LYPD3: variants seen among roughly 807,000 people sequenced by gnomAD.
LYPD3 encodes the protein ly6/PLAUR domain-containing protein 3.
A neutral mutation model predicts 21.7 loss-of-function variants in LYPD3; 22 were observed. That is an observed-to-expected ratio of 1.01 (90% confidence interval 0.72 to 1.45). LYPD3 has a LOEUF of 1.45. Ranked by LOEUF, LYPD3 falls within the 40% of genes most tolerant of loss-of-function variation. The pLI is 0.00. For missense variants in LYPD3, 471 were observed against 466.9 expected (o/e 1.01, Z -0.08); for synonymous variants, 179 against 203.0 (o/e 0.88, Z 1.00).
Position 43,463,247 on chromosome 19 carries a change from G to A in LYPD3, c.423C>T (p.Tyr141=). ...CCTCCCGGCTCAGGCCCACACAGCT[G>A]TAGCACTCCACGCCGTTGGGCGGGT... ...SAYPPNGVEC[Y]SCVGLSREAC... The change falls in exon 4 of 5, where the codon TAC becomes TAT. Residue 141 remains tyrosine (Y), a synonymous_variant. Transcript: ENST00000244333. The A allele has an allele frequency of 1.2e-6, 2 of 1,606,300 alleles. No individual in the cohort carries two copies. The highest frequency in any genetic ancestry group is 8.5e-7 in the Non-Finnish European group (1 of 1,179,980).
At chr19:43,465,237 G>A (rs866077440) in intron 1 of LYPD3, among the ~76,000 whole-genome samples, 37 of 152,158 alleles carry the variant, frequency 2.4e-4, no homozygotes, top group African/African-American at 7.9e-4. Context: ...TAGGAACAGG[G>A]GACTTCTTTC....
Position 43,465,562 on chromosome 19 carries a change from C to A in LYPD3, c.10G>T (p.Ala4Ser). The A allele has an allele frequency of 6.2e-7, 1 of 1,610,198 alleles. No individual in the cohort carries two copies. MDP[A>S]RKAGAQAMIW... ...ATGGCCTGGGCACCTGCTTTCCTGG[C>A]GGGGTCCATGGCTCCGTCCTGCTCC... The change falls in exon 1 of 5, where the codon GCC (alanine) becomes TCC (serine). Residue 4 changes from alanine to serine, a missense_variant. By Grantham distance (99) the Ala-to-Ser change is moderately conservative (BLOSUM62 1). Transcript: ENST00000244333.
chr19:43,462,989 A>G, intron 4 of LYPD3, 137 bp downstream of exon 4: 1 of 857,130 alleles, frequency 1.2e-6, no homozygotes, highest in Non-Finnish European at 1.8e-6. Context: ...CCTACGATAC[A>G]AGCACCTAGG....
chr19:43,461,135 T>C lies in LYPD3; in HGVS notation c.*216A>G, dbSNP rs950542301. The C allele has an allele frequency of 1.7e-6, 1 of 583,410 alleles. No individual in the cohort carries two copies. Among genetic ancestry groups the C allele is most frequent in the African/African-American group, 1.9e-5 (1 of 53,732 alleles). The allele number at this position is 583,410 out of a possible 1,614,324, so 36.1% of individuals were successfully genotyped here. ...AAGGATGAGAAGGATACAGGAGCTGTCCTCAAAAAGCTAGAACACCCCTGG... is the reference window on the plus strand; with the variant it reads ...AAGGATGAGAAGGATACAGGAGCTGCCCTCAAAAAGCTAGAACACCCCTGG... On this transcript the variant is annotated 3_prime_UTR_variant, in exon 5 of 5. Transcript: ENST00000244333.
At chr19:43,464,138 C>T in intron 2 of LYPD3, 187 bp downstream of exon 2, 1 of 834,168 alleles carries the variant, frequency 1.2e-6, no homozygotes, top group South Asian at 1.8e-5. Context: ...CTCTGCTCCT[C>T]GCGCTTGTAA....
intron 3 of LYPD3, 134 bp from the exon 4 acceptor site, chr19:43,463,421 G>A: frequency 7.3e-7 from 1 of 1,366,870 alleles, no homozygotes; most frequent in Non-Finnish European, 1.0e-6. Context: ...GCCCCAGCGC[G>A]CAACCTCGCG....
chr19:43,463,651 C>T lies in LYPD3; in HGVS notation c.330G>A (p.Gln110=), dbSNP rs762360057. The change falls in exon 3 of 5, where the codon CAG becomes CAA. Residue 110 remains glutamine (Q), a synonymous_variant. Transcript: ENST00000244333. ...GGTTGAGCTTGGCGTTGCAGCGATCCTGAGCGCATTGCTGCAGCTGGATGA... is the reference window on the plus strand; with the variant it reads ...GGTTGAGCTTGGCGTTGCAGCGATCTTGAGCGCATTGCTGCAGCTGGATGA... The part of the protein sequence containing the change: ...LAFIQLQQCA[Q]DRCNAKLNLT... 1 of 1,607,948 alleles carries T rather than the reference C, an allele frequency of 6.2e-7. No individual in the cohort carries two copies. Among genetic ancestry groups the T allele is most frequent in the East Asian group, 2.2e-5 (1 of 44,884 alleles).
At chr19:43,464,931 T>C (rs4803631) in intron 1 of LYPD3, among the ~76,000 whole-genome samples, 28,178 of 123,304 alleles carry the variant, frequency 0.23, 3,233 homozygotes, top group African/African-American at 0.32. Context: ...TTTTTCTTTT[T>C]TTCTTTTTTT....
At chr19:43,463,053 C>T (rs1970787663) in intron 4 of LYPD3, 73 bp downstream of exon 4, 4 of 1,543,486 alleles carry the variant, frequency 2.6e-6, no homozygotes, top group Admixed American at 3.5e-5. Flanking sequence ...GGGTAAAGGG[C>T]TCCCTACCGC....
rs755118251 is a variant in LYPD3, at chr19:43,461,604, A to G, written c.788T>C (p.Val263Ala). The stretch of plus-strand genomic sequence containing the variant: ...GGGTTTGGTGGTGGATGTGGGTCTC[A>G]CTGGGGCCGAGGTAGAAGTGGTGAC... The part of the protein sequence containing the change: ...TSVTTSTSAP[V>A]RPTSTTKPMP... The change falls in exon 5 of 5, where the codon GTG becomes GCG. Residue 263 changes from valine (V) to alanine (A), a missense_variant. Val to Ala is a moderately conservative substitution (Grantham distance 64). Coordinates refer to ENST00000244333, the MANE Select transcript of LYPD3 (RefSeq NM_014400.3). 1 of 1,614,036 alleles carries G rather than the reference A, an allele frequency of 6.2e-7. No homozygotes were observed. The highest frequency in any genetic ancestry group is 8.5e-7 in the Non-Finnish European group (1 of 1,179,994).
At chr19:43,464,254 G>C in intron 2 of LYPD3, 71 bp downstream of exon 2, 1 of 1,533,920 alleles carries the variant, frequency 6.5e-7, no homozygotes, top group Non-Finnish European at 8.8e-7. Flanking sequence ...GATCCAGAAA[G>C]GACTATAAGG....
intron 2 of LYPD3, chr19:43,464,044 C>T: frequency 3.3e-6 from 2 of 613,392 alleles, no homozygotes; most frequent in Non-Finnish European, 5.7e-6. Flanking sequence ...GGGGAGGTCT[C>T]ATTGGTGGAG....
chr19:43,462,036 C>CA (rs35056869), intron 4 of LYPD3, among the ~76,000 whole-genome samples, 189 bp from the exon 5 acceptor site: 1,448 of 141,510 alleles, frequency 0.01, 11 homozygotes, highest in African/African-American at 0.027. Flanking sequence ...CTCTGTCTTG[C>CA]AAAAAAAAAA....
In LYPD3 at chr19:43,461,176, G is replaced by A. The variant is rs932630457; in HGVS notation, c.*175C>T. 22 of 716,586 alleles carry A rather than the reference G, an allele frequency of 3.1e-5. No individual in the cohort carries two copies. Among genetic ancestry groups the A allele is most frequent in the South Asian group, 8.0e-5 (4 of 49,940 alleles). The allele number at this position is 716,586 out of a possible 1,614,324, so 44.4% of individuals were successfully genotyped here. A position where few individuals can be genotyped will look rare whatever the true frequency, so the allele number is the denominator to read the frequency against. On this transcript the variant is annotated 3_prime_UTR_variant, in exon 5 of 5. Transcript: ENST00000244333. ...ACACCCCTGGCAGAATATATACAAC[G>A]GTATTTTATTTCCCAAAGCCGCAAA...
chr19:43,464,214 G>A, intron 2 of LYPD3, 111 bp downstream of exon 2: 1 of 1,391,390 alleles, frequency 7.2e-7, no homozygotes, highest in Non-Finnish European at 9.7e-7. Context: ...TGAAAGGGAG[G>A]GGTGGGGCCG....
In LYPD3 at chr19:43,463,904, G is replaced by A. The variant is rs1970798875; in HGVS notation, c.212-135C>T. 6 of 903,500 alleles carry A rather than the reference G, an allele frequency of 6.6e-6. No homozygotes were observed. The South Asian group carries it at 8.5e-5, about 13-fold the overall frequency. The allele number at this position is 903,500 out of a possible 1,614,324, so 56.0% of individuals were successfully genotyped here. On this transcript the variant is annotated intron_variant, in intron 2 of 4. Coordinates refer to ENST00000244333, the MANE Select transcript of LYPD3 (RefSeq NM_014400.3). ...ACAGGACCGACAGGCAGGAATTGGCGGATGGACGCCCCCAAAGAGCCGCTC... is the reference window on the plus strand; with the variant it reads ...ACAGGACCGACAGGCAGGAATTGGCAGATGGACGCCCCCAAAGAGCCGCTC...
At chr19:43,463,405 A>G (rs765932053) in intron 3 of LYPD3, 118 bp from the exon 4 acceptor site, 31 of 1,385,776 alleles carry the variant, frequency 2.2e-5, no homozygotes, top group Middle Eastern at 1.7e-4. Context: ...GCCTACTAGT[A>G]GCCCCGCCCC....
At chr19:43,463,945 A>T (rs896095828) in intron 2 of LYPD3, 176 bp from the exon 3 acceptor site, 25 of 705,454 alleles carry the variant, frequency 3.5e-5, no homozygotes, top group Non-Finnish European at 5.8e-5. Context: ...GGAAAGAACG[A>T]CCGAAGCAGG....
In LYPD3 at chr19:43,461,803, C is replaced by T; in HGVS notation, c.589G>A (p.Glu197Lys). 1 of 1,613,916 alleles carries T rather than the reference C, an allele frequency of 6.2e-7. No homozygotes were observed. The highest frequency in any genetic ancestry group is 1.3e-5 in the African/African-American group (1 of 75,034). Residue 197 changes from glutamate (E) to lysine (K), a missense_variant, in exon 5 of 5, where the codon GAA becomes AAA. Glu to Lys is a moderately conservative substitution (Grantham distance 56). Transcript: ENST00000244333. The part of the protein sequence containing the change: ...SLPVRGCVQD[E>K]FCTRDGVTGP... ...GTTACTCCATCCCGAGTGCAGAATT[C>T]ATCCTGGACACAGCCCCGGACAGGC...
Sources: gnomAD v4.1 joint callset for allele counts (sites outside exome capture counted in the v4.1 genomes callset) on GRCh38, gnomAD v4.1.1 for gene constraint, MANE v1.5 for transcripts, NCBI Gene and HGNC (gene_info 2026-07-23, HGNC 2026-07-21) for gene names.